Variants in PTH1R observed in about 807,000 individuals in gnomAD.
PTH1R encodes the protein parathyroid hormone/parathyroid hormone-related peptide receptor.
In PTH1R, 32 loss-of-function variants were observed where a neutral mutation model predicts 70.7. The observed-to-expected ratio is 0.45, with a 90% CI of 0.34 to 0.61. The LOEUF (loss-of-function observed/expected upper bound fraction) is 0.61, where lower values mean the gene tolerates loss of function less well. PTH1R is among the 20% of genes least tolerant of loss of function. PTH1R has a pLI of 0.01. For missense variants in PTH1R, 626 were observed against 792.5 expected, an observed-to-expected ratio of 0.79 and a Z score of 2.52; for synonymous variants, 329 against 324.8, an observed-to-expected ratio of 1.01 and a Z score of -0.14.
intron 4 of PTH1R, 93 bp from the exon 5 acceptor site, chr3:46,895,642 A>G (rs2031705818): frequency 1.3e-6 from 2 of 1,569,644 alleles, no homozygotes; most frequent in Non-Finnish European, 1.7e-6. Context: ...CAACCCCCCC[A>G]TTGTACAAAG....
In PTH1R at chr3:46,883,492, G is replaced by GC; in HGVS notation, c.-48-19dup. 3 of 1,375,044 alleles carry GC rather than the reference G, an allele frequency of 2.2e-6. No individual in the cohort carries two copies. In the South Asian group the frequency reaches 4.8e-5, roughly 22 times the overall value. 85.2% of individuals were successfully genotyped at this position (1,375,044 alleles called of 1,614,324 possible). A position where few individuals can be genotyped will look rare whatever the true frequency, so the allele number is the denominator to read the frequency against. On this transcript the variant is annotated intron_variant, in intron 2 of 15. Coordinates refer to ENST00000449590, the MANE Select transcript of PTH1R (RefSeq NM_000316.3). This position sits in a 1 kb window ranked among gnomAD's most constrained non-coding sequence, Gnocchi z 6.4. ...GGGGCGGCCAGCCTGACGCAGCTCT[G>GC]CACCCCCTACCACCACCAGGGCCGG...
At chr3:46,889,698 A>G (rs964301588) in intron 3 of PTH1R, among the ~76,000 whole-genome samples, 12 of 152,186 alleles carry the variant, frequency 7.9e-5, no homozygotes, top group Non-Finnish European at 1.5e-5. Flanking sequence ...AGCCCTAATC[A>G]GGACCATAGG....
At chr3:46,898,213 C>A (rs761121040) in intron 7 of PTH1R, 21 bp downstream of exon 7, 1 of 1,611,208 alleles carries the variant, frequency 6.2e-7, no homozygotes, top group South Asian at 1.1e-5. Context: ...TTCTCCTCCC[C>A]AACCTGACCA....
Position 46,895,796 on chromosome 3 carries a change from A to G in PTH1R, c.240A>G (p.Lys80=), listed in dbSNP as rs1284544857. ...TSASTSGKPR[K]DKASGKLYPE... is the part of the protein sequence containing the mutation. ...CGTCCACATCAGGGAAGCCCAGGAAAGATAAGGCATCTGGGAAGCTCTACC... is the reference window on the plus strand; with the variant it reads ...CGTCCACATCAGGGAAGCCCAGGAAGGATAAGGCATCTGGGAAGCTCTACC... Residue 80 remains lysine (K), a synonymous_variant, in exon 5 of 16, where the codon AAA becomes AAG. Coordinates refer to ENST00000449590, the MANE Select transcript of PTH1R (RefSeq NM_000316.3). 2.5e-6 allele frequency: 4 copies of G among 1,614,178 alleles called. No homozygotes were observed. In the Admixed American group the frequency reaches 5.0e-5, roughly 20 times the overall value.
intron 1 of PTH1R, among the ~76,000 whole-genome samples, chr3:46,878,843 AC>A (rs1397601716): frequency 1.3e-5 from 2 of 151,888 alleles, no homozygotes; most frequent in African/African-American, 4.8e-5. Context: ...TCCAGTGACC[AC>A]CCTGGCTCCT....
At chr3:46,894,480 G>A (rs1445021762) in intron 4 of PTH1R, among the ~76,000 whole-genome samples, 4 of 152,212 alleles carry the variant, frequency 2.6e-5, no homozygotes, top group Non-Finnish European at 4.4e-5. Context: ...CAGCCCCACC[G>A]ATGCCAGCCC....
intron 2 of PTH1R, among the ~76,000 whole-genome samples, 170 bp downstream of exon 2, chr3:46,881,288 G>A (rs1472521931): frequency 1.3e-5 from 2 of 152,138 alleles, no homozygotes; most frequent in East Asian, 3.9e-4. Flanking sequence ...GGGTCGAAGG[G>A]CCCCTCCTCT....
At chr3:46,881,520 C>CGGGGTT in intron 2 of PTH1R, among the ~76,000 whole-genome samples, 1 of 152,080 alleles carries the variant, frequency 6.6e-6, no homozygotes, top group East Asian at 1.9e-4. Flanking sequence ...CTCGAGCCTC[C>CGGGGTT]GGGGTTGGGG....
intron 4 of PTH1R, among the ~76,000 whole-genome samples, chr3:46,894,337 CT>C (rs770215835): frequency 5.1e-4 from 77 of 152,174 alleles, no homozygotes; most frequent in Middle Eastern, 3.2e-3. Context: ...GCTTCCTCCC[CT>C]GACAAGCCCT....
intron 3 of PTH1R, among the ~76,000 whole-genome samples, chr3:46,886,973 G>GTAATCCTGTAATCC (rs1233414015): frequency 6.6e-6 from 1 of 152,098 alleles, no homozygotes. Flanking sequence ...GCCGAGTGCA[G>GTAATCCTGTAATCC]TGGCTCACAC....
Position 46,893,782 on chromosome 3 carries a change from T to A in PTH1R, c.76-125T>A. On this transcript the variant is annotated intron_variant, in intron 3 of 15. Coordinates refer to ENST00000449590, the MANE Select transcript of PTH1R (RefSeq NM_000316.3). The surrounding 1 kb of genome is among the most constrained non-coding windows in gnomAD (Gnocchi z 5.2). ...GCAGATTCCCCACATGCAGGGGAAA[T>A]CCCACCTTCCCTCTAGAGTCAGGGC... is the stretch of plus-strand genomic sequence containing the variant. 1.2e-6 allele frequency: 1 copy of A among 861,824 alleles called. No individual in the cohort carries two copies. Among genetic ancestry groups the A allele is most frequent in the African/African-American group, 1.7e-5 (1 of 60,064 alleles). The allele number at this position is 861,824 out of a possible 1,614,324, so 53.4% of individuals were successfully genotyped here. A position where few individuals can be genotyped will look rare whatever the true frequency, so the allele number is the denominator to read the frequency against.
At position 46,903,686 on chromosome 3, in the gene PTH1R, T is replaced by C. The variant is rs201423343; in HGVS notation, c.*30T>C. On this transcript the variant is annotated 3_prime_UTR_variant, in exon 16 of 16. Coordinates refer to ENST00000449590, the MANE Select transcript of PTH1R (RefSeq NM_000316.3). The surrounding 1 kb of genome is among the most constrained non-coding windows in gnomAD (Gnocchi z 4.4). The stretch of plus-strand genomic sequence containing the variant: ...GCGCTGGGGGCTGGACCTGCTGACA[T>C]AGTGGATGGACAGATGGACCAAAAG... The C allele has an allele frequency of 1.8e-5, 29 of 1,602,186 alleles. No individual in the cohort carries two copies. The highest frequency in any genetic ancestry group is 2.3e-5 in the Non-Finnish European group (27 of 1,179,794).
At chr3:46,900,887 TCACCAAGTG>T in intron 10 of PTH1R, 129 bp from the exon 11 acceptor site, 1 of 952,414 alleles carries the variant, frequency 1.0e-6, no homozygotes, top group Non-Finnish European at 1.6e-6. Context: ...TGTGGCTCTG[TCACCAAGTG>T]GACCAAGTGC....
intron 2 of PTH1R, among the ~76,000 whole-genome samples, chr3:46,881,796 C>T (rs993631800): frequency 6.6e-6 from 1 of 151,966 alleles, no homozygotes; most frequent in South Asian, 2.1e-4. Context: ...CCCCAGGGAC[C>T]CCGACCCGGC....
chr3:46,890,089 G>A (rs2031312241), intron 3 of PTH1R, among the ~76,000 whole-genome samples: 2 of 152,180 alleles, frequency 1.3e-5, no homozygotes, highest in South Asian at 2.1e-4. Context: ...GCTCAAGCTT[G>A]GGGCCTCTGG....
intron 4 of PTH1R, among the ~76,000 whole-genome samples, chr3:46,894,748 C>T (rs1231799022): frequency 2.0e-5 from 3 of 152,062 alleles, no homozygotes; most frequent in Non-Finnish European, 4.4e-5. Flanking sequence ...GACTCAGCTT[C>T]CCATCATTGC....
intron 3 of PTH1R, among the ~76,000 whole-genome samples, chr3:46,887,580 G>A (rs2031117384): frequency 1.3e-5 from 2 of 152,156 alleles, no homozygotes; most frequent in Non-Finnish European, 2.9e-5. Flanking sequence ...TTGGGTAGAG[G>A]GGCGTTCTCC....
chr3:46,898,431 G>A lies in PTH1R; in HGVS notation c.597G>A (p.Leu199=). ...ACACCGTGGGCTACTCCGTGTCCCT[G>A]GCGTCCCTCACCGTAGCTGTGCTCA... The part of the protein sequence containing the change: ...MIYTVGYSVS[L]ASLTVAVLIL... The change falls in exon 8 of 16, where the codon CTG becomes CTA. Residue 199 remains leucine (L), a synonymous_variant. Coordinates refer to ENST00000449590, the MANE Select transcript of PTH1R (RefSeq NM_000316.3). 1 of 1,613,946 alleles carries A rather than the reference G, an allele frequency of 6.2e-7. No individual in the cohort carries two copies. The highest frequency in any genetic ancestry group is 8.5e-7 in the Non-Finnish European group (1 of 1,179,990).
At chr3:46,898,240 A>G in intron 7 of PTH1R, 48 bp downstream of exon 7, 2 of 1,601,658 alleles carry the variant, frequency 1.2e-6, no homozygotes, top group Non-Finnish European at 1.7e-6. Context: ...ATTCACTCCC[A>G]CCCCACGGGT....
Sources: gnomAD v4.1 joint callset for allele counts (sites outside exome capture counted in the v4.1 genomes callset) on GRCh38, gnomAD v4.1.1 for gene constraint, Gnocchi (gnomAD v3.1) non-coding constraint, MANE v1.5 for transcripts, NCBI Gene and HGNC (gene_info 2026-07-23, HGNC 2026-07-21) for gene names.